The following CARMIL1 variants were observed in gnomAD, a reference collection of about 807,000 sequenced individuals.
CARMIL1 encodes the protein F-actin-uncapping protein LRRC16A.
CARMIL1 carries 90 observed loss-of-function variants against 177.1 expected under a neutral mutation model. The ratio of observed to expected loss-of-function variants is 0.51; its 90% CI spans 0.43 to 0.61. The LOEUF (loss-of-function observed/expected upper bound fraction) is 0.61, where lower values mean the gene tolerates loss of function less well. Among genes scored for constraint, CARMIL1 ranks in the 20% least tolerant of loss-of-function variants. The pLI is 0.00. For missense variants in CARMIL1, 1,380 were observed against 1,667.0 expected, an observed-to-expected ratio of 0.83 and a Z score of 3.00; for synonymous variants, 577 against 606.2, an observed-to-expected ratio of 0.95 and a Z score of 0.71.
At chr6:25,606,325 G>T (rs1815966616) in intron 35 of CARMIL1, 52 bp downstream of exon 35, 1 of 1,557,238 alleles carries the variant, frequency 6.4e-7, no homozygotes, top group African/African-American at 1.4e-5. Flanking sequence ...GCTTCCCAGA[G>T]CCAGCTGGAT....
At chr6:25,339,848 G>T (rs1786716813) in intron 2 of CARMIL1, among the ~76,000 whole-genome samples, 1 of 152,156 alleles carries the variant, frequency 6.6e-6, no homozygotes, top group Non-Finnish European at 1.5e-5. Context: ...CCTTTATAAA[G>T]ATTAATGAGG....
At chr6:25,418,457 A>T (rs953137138) in intron 2 of CARMIL1, among the ~76,000 whole-genome samples, 1 of 149,842 alleles carries the variant, frequency 6.7e-6, no homozygotes, top group East Asian at 2.0e-4. Context: ...ACCTCCCCGC[A>T]CTCATCCTGG....
intron 31 of CARMIL1, among the ~76,000 whole-genome samples, chr6:25,588,060 G>A (rs561330014): frequency 7.1e-4 from 108 of 152,270 alleles, no homozygotes; most frequent in Non-Finnish European, 1.3e-3. Context: ...TATTTACGTA[G>A]CATTTACATT....
intron 29 of CARMIL1, among the ~76,000 whole-genome samples, chr6:25,570,278 A>T (rs1811961170): frequency 6.6e-6 from 1 of 152,166 alleles, no homozygotes. Flanking sequence ...CCCACTTTTT[A>T]AAAATTTATA....
chr6:25,597,967 G>A (rs1207823901), intron 32 of CARMIL1, among the ~76,000 whole-genome samples: 3 of 152,060 alleles, frequency 2.0e-5, no homozygotes, highest in Admixed American at 6.6e-5. Context: ...ATCTGATGTT[G>A]ACTTGAGTCT....
intron 2 of CARMIL1, among the ~76,000 whole-genome samples, chr6:25,298,757 T>TC (rs1190505102): frequency 6.8e-6 from 1 of 146,772 alleles, no homozygotes; most frequent in Non-Finnish European, 1.5e-5. Context: ...TATGATTGCT[T>TC]TTTTTTTTTT....
At chr6:25,526,292 G>A (rs1335836048) in intron 23 of CARMIL1, among the ~76,000 whole-genome samples, 3 of 151,684 alleles carry the variant, frequency 2.0e-5, no homozygotes, top group Admixed American at 1.3e-4. Context: ...GCAGTGAGCC[G>A]AGATTGCGCC....
chr6:25,316,724 T>A (rs1784307603), intron 2 of CARMIL1, among the ~76,000 whole-genome samples: 1 of 152,108 alleles, frequency 6.6e-6, no homozygotes, highest in Admixed American at 6.6e-5. Flanking sequence ...TTATTATAAT[T>A]TTTTTTAAAG....
At chr6:25,316,665 G>T (rs945602972) in intron 2 of CARMIL1, among the ~76,000 whole-genome samples, 5 of 152,112 alleles carry the variant, frequency 3.3e-5, no homozygotes, top group Admixed American at 2.6e-4. Context: ...GCCTGCCTCG[G>T]CCTCCAAAAG....
intron 8 of CARMIL1, among the ~76,000 whole-genome samples, chr6:25,462,896 C>T (rs1288201857): frequency 6.6e-6 from 1 of 152,200 alleles, no homozygotes; most frequent in Non-Finnish European, 1.5e-5. Context: ...AGCCTAATAA[C>T]CCTGCCTAGT....
intron 24 of CARMIL1, among the ~76,000 whole-genome samples, chr6:25,536,724 T>C (rs1808340673): frequency 6.6e-6 from 1 of 152,180 alleles, no homozygotes; most frequent in African/African-American, 2.4e-5. Flanking sequence ...GTCTTCGGAA[T>C]AGTGTGTAAA....
At position 25,435,607 on chromosome 6, in the gene CARMIL1, G is replaced by T; in HGVS notation, c.371+3G>T. ...ATATTTCCTGGCCTCTCTCCAGTGT[G>T]AGTTTCCCTGGGCAGGGTGAGGAGA... On this transcript the variant is annotated splice_donor_region_variant and intron_variant, in intron 5 of 36. Coordinates refer to ENST00000329474, the MANE Select transcript of CARMIL1 (RefSeq NM_017640.6). The T allele has an allele frequency of 6.3e-7, 1 of 1,575,870 alleles. No homozygotes were observed. Among genetic ancestry groups the T allele is most frequent in the South Asian group, 1.2e-5 (1 of 85,044 alleles).
chr6:25,507,594 G>C (rs1192072996), intron 17 of CARMIL1: 1 of 152,490 alleles, frequency 6.6e-6, no homozygotes, highest in African/African-American at 2.4e-5. Context: ...TCAGTAAGGA[G>C]TATGTATAAA....
intron 2 of CARMIL1, among the ~76,000 whole-genome samples, chr6:25,413,376 A>C (rs563052402): frequency 6.6e-6 from 1 of 152,352 alleles, no homozygotes; most frequent in African/African-American, 2.4e-5. Flanking sequence ...ATGTGGATTT[A>C]GAGAGCATGA....
intron 26 of CARMIL1, among the ~76,000 whole-genome samples, chr6:25,548,711 T>C (rs1042141523): frequency 1.3e-5 from 2 of 152,142 alleles, no homozygotes; most frequent in African/African-American, 4.8e-5. Context: ...GGGAACAAAC[T>C]TATAAGTAAT....
At chr6:25,379,263 T>C (rs1485457857) in intron 2 of CARMIL1, among the ~76,000 whole-genome samples, 5 of 152,112 alleles carry the variant, frequency 3.3e-5, no homozygotes, top group Non-Finnish European at 7.4e-5. Context: ...AAGATACATA[T>C]TGAGGAAAGA....
chr6:25,467,766 A>C (rs1403032280), intron 9 of CARMIL1, among the ~76,000 whole-genome samples: 1 of 152,220 alleles, frequency 6.6e-6, no homozygotes, highest in Admixed American at 6.5e-5. Context: ...GTTAACTGAG[A>C]TTTAAACACA....
chr6:25,412,573 A>G (rs4712935), intron 2 of CARMIL1, among the ~76,000 whole-genome samples: 42,953 of 152,124 alleles, frequency 0.28, 6,952 homozygotes, highest in African/African-American at 0.44. Context: ...GAGACCCTAT[A>G]TCTTAAAGAG....
intron 2 of CARMIL1, among the ~76,000 whole-genome samples, chr6:25,414,416 A>G (rs773562474): frequency 4.1e-4 from 63 of 152,202 alleles, no homozygotes; most frequent in Admixed American, 1.8e-3. Context: ...CTGAAGAAGT[A>G]TTCATTATCA....
Sources: gnomAD v4.1 joint callset for allele counts (sites outside exome capture counted in the v4.1 genomes callset) on GRCh38, gnomAD v4.1.1 for gene constraint, MANE v1.5 for transcripts, NCBI Gene and HGNC (gene_info 2026-07-23, HGNC 2026-07-21) for gene names.